Variants in EPHA2 observed in about 807,000 individuals in gnomAD.
The protein encoded by EPHA2 is EPH receptor A2.
EPHA2 carries 54 observed loss-of-function variants against 104.9 expected under a neutral mutation model. The observed-to-expected ratio is 0.51, with a 90% CI of 0.41 to 0.65. The LOEUF (loss-of-function observed/expected upper bound fraction) is 0.65, where lower values mean the gene tolerates loss of function less well. Among genes scored for constraint, EPHA2 ranks in the 30% least tolerant of loss-of-function variants. The probability of loss-of-function intolerance (pLI) is 0.00; values close to 1 mark genes in which losing one functional copy is unlikely to be tolerated. For synonymous variants in EPHA2, 560 were observed against 559.1 expected, an observed-to-expected ratio of 1.00 and a Z score of -0.02; for missense variants, 1,117 against 1,369.5, an observed-to-expected ratio of 0.82 and a Z score of 2.91.
intron 1 of EPHA2, among the ~76,000 whole-genome samples, chr1:16,154,152 C>CA (rs2025100775): frequency 1.3e-5 from 2 of 152,148 alleles, no homozygotes; most frequent in East Asian, 1.9e-4. Flanking sequence ...CCCACCCCCC[C>CA]ATGGGCAGCC....
rs1440199061 is a variant in EPHA2, at chr1:16,150,662, C to A, written c.153+234G>T. On this transcript the variant is annotated intron_variant, in intron 2 of 16. Transcript: ENST00000358432. This position sits in a 1 kb window ranked among gnomAD's most constrained non-coding sequence, Gnocchi z 4.8. The stretch of plus-strand genomic sequence containing the variant: ...AGGGCCTTCTCTGTCTCCCCAGTTC[C>A]CCCCACCTCTCAGGCTTACACCCAC... Among the ~76,000 whole-genome samples, 5 of 152,184 alleles carry A rather than the reference C, an allele frequency of 3.3e-5. No homozygotes were observed. In the South Asian group the frequency reaches 8.3e-4, roughly 25 times the overall value.
intron 3 of EPHA2, among the ~76,000 whole-genome samples, chr1:16,143,786 G>A (rs925339381): frequency 1.3e-5 from 2 of 152,196 alleles, no homozygotes; most frequent in Non-Finnish European, 2.9e-5. Flanking sequence ...CCAGGGATGT[G>A]GAGCTTGGAC....
chr1:16,143,829 C>T (rs1278192054), intron 3 of EPHA2, among the ~76,000 whole-genome samples: 4 of 152,168 alleles, frequency 2.6e-5, no homozygotes, highest in East Asian at 3.8e-4. Flanking sequence ...CGGCAAATGG[C>T]GACCTATGGG....
At chr1:16,151,935 C>A (rs2025045996) in intron 1 of EPHA2, among the ~76,000 whole-genome samples, 1 of 152,198 alleles carries the variant, frequency 6.6e-6, no homozygotes, top group African/African-American at 2.4e-5. Context: ...CTGATCCACC[C>A]CAGGTTCTCT....
In EPHA2 at chr1:16,135,826, G is replaced by A. The variant is rs764247097; in HGVS notation, c.1313-56C>T. On this transcript the variant is annotated intron_variant, in intron 5 of 16. Transcript: ENST00000358432. The surrounding 1 kb of genome is among the most constrained non-coding windows in gnomAD (Gnocchi z 4.3). ...TAAGAAGCTGCCTACGAGCAGGCAG[G>A]GTTTGGGGGGACAAGTGGACGTGGA... is the stretch of plus-strand genomic sequence containing the variant. 1.2e-6 allele frequency: 1 copy of A among 824,944 alleles called. No homozygotes were observed. The highest frequency in any genetic ancestry group is 2.1e-6 in the Non-Finnish European group (1 of 471,144). The allele number at this position is 824,944 out of a possible 1,614,324, so 51.1% of individuals were successfully genotyped here.
intron 3 of EPHA2, among the ~76,000 whole-genome samples, chr1:16,145,584 G>A (rs533396628): frequency 3.9e-5 from 6 of 152,202 alleles, no homozygotes; most frequent in East Asian, 1.9e-4. Flanking sequence ...GGGAGGGTCC[G>A]GCAGGGAGGG....
intron 1 of EPHA2, among the ~76,000 whole-genome samples, chr1:16,153,924 C>T (rs1296756960): frequency 6.6e-6 from 1 of 152,060 alleles, no homozygotes; most frequent in African/African-American, 2.4e-5. Context: ...CCTAGGCACA[C>T]TTCTCTAGGG....
At chr1:16,151,039 C>T (rs537668993) in intron 1 of EPHA2, 76 bp from the exon 2 acceptor site, 2 of 1,473,592 alleles carry the variant, frequency 1.4e-6, no homozygotes, top group South Asian at 1.1e-5. Flanking sequence ...AGGTGAGGAT[C>T]CCTCCAGGAA....
At position 16,135,002 on chromosome 1, in the gene EPHA2, T is replaced by C. The variant is rs1195740934; in HGVS notation, c.1582+34A>G. The C allele has an allele frequency of 1.2e-6, 2 of 1,608,634 alleles. No individual in the cohort carries two copies. The highest frequency in any genetic ancestry group is 1.7e-6 in the Non-Finnish European group (2 of 1,179,678). ...GTCTCAATTGCTTGGTTCTGGGCCCTGGCCTGGTCCATGCCCAGGGTCCCC... is the reference window on the plus strand; with the variant it reads ...GTCTCAATTGCTTGGTTCTGGGCCCCGGCCTGGTCCATGCCCAGGGTCCCC... On this transcript the variant is annotated intron_variant, in intron 7 of 16. Coordinates refer to ENST00000358432, the MANE Select transcript of EPHA2 (RefSeq NM_004431.5). This position sits in a 1 kb window ranked among gnomAD's most constrained non-coding sequence, Gnocchi z 4.3.
chr1:16,133,214 G>T lies in EPHA2; in HGVS notation c.2019C>A (p.His673Gln). 1.9e-6 allele frequency: 3 copies of T among 1,613,788 alleles called. No individual in the cohort carries two copies. The highest frequency in any genetic ancestry group is 2.5e-6 in the Non-Finnish European group (3 of 1,179,902). ...TGACGCCCTCTAGGCGGATGATGTT[G>T]TGGTGGCTGAACTGGCCCATGATGC... ...EAGIMGQFSH[H>Q]NIIRLEGVIS... The change falls in exon 11 of 17, where the codon CAC becomes CAA. Residue 673 changes from histidine (H) to glutamine (Q), a missense_variant. Around this residue, in one of 3 missense-constraint regions of EPHA2, gnomAD observed 340 missense variants for 480.5 expected, o/e 0.71. Transcript: ENST00000358432.
At chr1:16,153,249 C>G (rs537927547) in intron 1 of EPHA2, 1 of 985,336 alleles carries the variant, frequency 1.0e-6, no homozygotes. Flanking sequence ...CACCCACTCC[C>G]GGTCTCCGGT....
At position 16,131,107 on chromosome 1, in the gene EPHA2, G is replaced by T. The variant is rs1461743267; in HGVS notation, c.2475+614C>A. 6.6e-6 allele frequency among the ~76,000 whole-genome samples: 1 copy of T among 151,942 alleles called. No homozygotes were observed. ...CTCCCAGGCCACCAGGCTGAGAGAGGCACCAAGCACACAGACACACACACA... is the reference window on the plus strand; with the variant it reads ...CTCCCAGGCCACCAGGCTGAGAGAGTCACCAAGCACACAGACACACACACA... On this transcript the variant is annotated intron_variant, in intron 14 of 16. Transcript: ENST00000358432. This position sits in a 1 kb window ranked among gnomAD's most constrained non-coding sequence, Gnocchi z 5.2.
At position 16,148,879 on chromosome 1, in the gene EPHA2, A is replaced by G. The variant is rs149867517; in HGVS notation, c.322T>C (p.Phe108Leu). Reference protein sequence around the residue: ...LKFTVRDCNSFPGGASSCKET... With the variant: ...LKFTVRDCNSLPGGASSCKET... ...TTGCAGGAGCTGGCGCCACCAGGGA[A>G]GCTGTTGCAGTCACGTACAGTAAAC... The change falls in exon 3 of 17, where the codon TTC becomes CTC. Residue 108 changes from phenylalanine (F) to leucine (L), a missense_variant. Phe to Leu is a conservative substitution (Grantham distance 22). Coordinates refer to ENST00000358432, the MANE Select transcript of EPHA2 (RefSeq NM_004431.5). The surrounding 1 kb of genome is among the most constrained non-coding windows in gnomAD (Gnocchi z 4.9). 6.2e-7 allele frequency: 1 copy of G among 1,614,170 alleles called. No individual in the cohort carries two copies. Among genetic ancestry groups the G allele is most frequent in the Non-Finnish European group, 8.5e-7 (1 of 1,180,040 alleles).
chr1:16,137,882 C>A lies in EPHA2; in HGVS notation c.1283G>T (p.Arg428Leu), dbSNP rs138475231. Residue 428 changes from arginine to leucine, a missense_variant, in exon 5 of 17, where the codon CGT becomes CTT. Physicochemically the swap from Arg to Leu is moderately radical, Grantham distance 102. Coordinates refer to ENST00000358432, the MANE Select transcript of EPHA2 (RefSeq NM_004431.5). ...CTGGTTGATGCTGACACTGGCAGTA[C>A]GGAAGCTGCGGCTGGTTACCAGGCC... ...VSGLVTSRSF[R>L]TASVSINQTE... 6 of 1,613,890 alleles carry A rather than the reference C, an allele frequency of 3.7e-6. No individual in the cohort carries two copies. The highest frequency in any genetic ancestry group is 5.1e-6 in the Non-Finnish European group (6 of 1,179,958).
rs374463695 is a variant in EPHA2 at position 16,130,424 on chromosome 1, C to A, written c.2476-5G>T. The A allele has an allele frequency of 1.1e-5, 17 of 1,541,412 alleles. No homozygotes were observed. The African/African-American group carries it at 1.5e-4, about 14-fold the overall frequency. The stretch of plus-strand genomic sequence containing the variant: ...ATCATTGATGGCTTTCATCACCTGG[C>A]GGGGCACGAAGGTCAGGGGCGCTGT... On this transcript the variant is annotated splice_region_variant and splice_polypyrimidine_tract_variant and intron_variant, in intron 14 of 16. Transcript: ENST00000358432. This position sits in a 1 kb window ranked among gnomAD's most constrained non-coding sequence, Gnocchi z 4.5.
At position 16,156,055 on chromosome 1, in the gene EPHA2, C is replaced by A. The variant is rs1192523413; in HGVS notation, c.-123G>T. 4.0e-6 allele frequency: 3 copies of A among 742,832 alleles called. No individual in the cohort carries two copies. Among genetic ancestry groups the A allele is most frequent in the South Asian group, 2.5e-5 (1 of 39,594 alleles). The allele number at this position is 742,832 out of a possible 1,614,324, so 46.0% of individuals were successfully genotyped here. A position where few individuals can be genotyped will look rare whatever the true frequency, so the allele number is the denominator to read the frequency against. Reference sequence around the variant, plus strand: ...CTGCGCGCAACTTCTGCCCCTCCTGCCCCGAGTCCTTAATGGAAGTTGGGT... The same window carrying A: ...CTGCGCGCAACTTCTGCCCCTCCTGACCCGAGTCCTTAATGGAAGTTGGGT... On this transcript the variant is annotated 5_prime_UTR_variant, in exon 1 of 17. Coordinates refer to ENST00000358432, the MANE Select transcript of EPHA2 (RefSeq NM_004431.5).
In EPHA2 at chr1:16,148,793, C is replaced by T. The variant is rs749400727; in HGVS notation, c.408G>A (p.Lys136=). The T allele has an allele frequency of 2.5e-6, 4 of 1,614,122 alleles. No individual in the cohort carries two copies. The highest frequency in any genetic ancestry group is 2.2e-5 in the East Asian group (1 of 44,884). ...TGGTGTCAATCTTGGTGAACAGGCG[C>T]TTCTGGAAGTTGGTGCCGTAGTCCA... The part of the protein sequence containing the change: ...SDLDYGTNFQ[K]RLFTKIDTIA... The change falls in exon 3 of 17, where the codon AAG becomes AAA. Residue 136 remains lysine, a synonymous_variant. Transcript: ENST00000358432. The surrounding 1 kb of genome is among the most constrained non-coding windows in gnomAD (Gnocchi z 4.9).
rs199781368 is a variant in EPHA2, at chr1:16,130,445, G to A, written c.2476-26C>T. 77 of 1,524,656 alleles carry A rather than the reference G, an allele frequency of 5.1e-5. No individual in the cohort carries two copies. In the African/African-American group the frequency reaches 8.6e-4, roughly 17 times the overall value. 94.4% of individuals were successfully genotyped at this position (1,524,656 alleles called of 1,614,324 possible). A position where few individuals can be genotyped will look rare whatever the true frequency, so the allele number is the denominator to read the frequency against. On this transcript the variant is annotated intron_variant, in intron 14 of 16. Transcript: ENST00000358432. This position sits in a 1 kb window ranked among gnomAD's most constrained non-coding sequence, Gnocchi z 4.5. ...CTGGCGGGGCACGAAGGTCAGGGGCGCTGTTGCAGAAAGCCACTGAAACCC... is the reference window on the plus strand; with the variant it reads ...CTGGCGGGGCACGAAGGTCAGGGGCACTGTTGCAGAAAGCCACTGAAACCC...
intron 1 of EPHA2, chr1:16,153,411 C>T: frequency 3.7e-6 from 3 of 807,026 alleles, no homozygotes; most frequent in Non-Finnish European, 4.5e-6. Context: ...CAGACTTGGC[C>T]CCGGTAGAAC....
Sources: allele counts gnomAD v4.1 joint callset (sites outside exome capture counted in the v4.1 genomes callset), GRCh38; gene constraint gnomAD v4.1.1; regional missense constraint gnomAD v4.1.1; non-coding constraint Gnocchi (gnomAD v3.1); transcripts MANE v1.5; gene names NCBI Gene and HGNC (gene_info 2026-07-23, HGNC 2026-07-21).